RBM39: variants seen among roughly 807,000 people sequenced by gnomAD.
RBM39 encodes the protein RNA binding motif protein 39.
RBM39 carries 12 observed loss-of-function variants against 79.6 expected under a neutral mutation model. The ratio of observed to expected loss-of-function variants is 0.15; its 90% CI spans 0.10 to 0.24. The LOEUF (loss-of-function observed/expected upper bound fraction) is 0.24, where lower values mean the gene tolerates loss of function less well. Ranked by LOEUF, RBM39 falls within the 10% of genes least tolerant of loss-of-function variation. The probability of loss-of-function intolerance (pLI) is 1.00; values close to 1 mark genes in which losing one functional copy is unlikely to be tolerated. For synonymous variants in RBM39, 185 were observed against 208.4 expected (o/e 0.89, Z 0.97); for missense variants, 243 against 653.4 (o/e 0.37, Z 6.85).
Position 35,702,200 on chromosome 20 carries a change from T to A in RBM39, c.*2281A>T, listed in dbSNP as rs1390357718. On this transcript the variant is annotated 3_prime_UTR_variant, in exon 17 of 17. Transcript: ENST00000253363. Reference sequence around the variant, plus strand: ...AACTTTCAAAGATGGTAGTAATTATTATAAAGATAAAAGAAAACTAGATGA... The same window carrying A: ...AACTTTCAAAGATGGTAGTAATTATAATAAAGATAAAAGAAAACTAGATGA... 2.0e-5 allele frequency: 3 copies of A among 152,214 alleles called. No homozygotes were observed. The highest frequency in any genetic ancestry group is 1.3e-4 in the Admixed American group (2 of 15,276). 9.4% of individuals were successfully genotyped at this position (152,214 alleles called of 1,614,324 possible).
At chr20:35,729,582 C>T in intron 4 of RBM39, 55 bp from the exon 5 acceptor site, 10 of 1,447,584 alleles carry the variant, frequency 6.9e-6, no homozygotes, top group East Asian at 4.5e-5. Context: ...TTGCTAAGAT[C>T]GCATTCATGC....
At chr20:35,704,964 G>A (rs1353890292) in intron 15 of RBM39, 4 of 591,736 alleles carry the variant, frequency 6.8e-6, no homozygotes, top group African/African-American at 3.7e-5. Context: ...TTTGTATGCA[G>A]CCTAAGAATG....
chr20:35,739,396 G>T (rs1397121777), intron 2 of RBM39: 2 of 472,418 alleles, frequency 4.2e-6, no homozygotes, highest in Admixed American at 4.7e-5. Flanking sequence ...TCAGTACCAT[G>T]GCTCTATTTC....
intron 6 of RBM39, among the ~76,000 whole-genome samples, chr20:35,728,546 A>T (rs749566381): frequency 6.6e-6 from 1 of 152,166 alleles, no homozygotes; most frequent in Non-Finnish European, 1.5e-5. Flanking sequence ...TGGGAGGCTG[A>T]GGAGGGCAGA....
intron 8 of RBM39, 119 bp downstream of exon 8, chr20:35,724,451 C>A: frequency 2.1e-6 from 2 of 941,668 alleles, no homozygotes; most frequent in Non-Finnish European, 2.9e-6. Context: ...AAAAAAAGTC[C>A]TGAAAACATC....
At position 35,703,234 on chromosome 20, in the gene RBM39, TTAATA is replaced by T. The variant is rs1366780386; in HGVS notation, c.*1242_*1246del. 3 of 152,134 alleles carry T rather than the reference TTAATA, an allele frequency of 2.0e-5. No individual in the cohort carries two copies. The highest frequency in any genetic ancestry group is 6.5e-5 in the Admixed American group (1 of 15,268). The allele number at this position is 152,134 out of a possible 1,614,324, so 9.4% of individuals were successfully genotyped here. A position where few individuals can be genotyped will look rare whatever the true frequency, so the allele number is the denominator to read the frequency against. On this transcript the variant is annotated 3_prime_UTR_variant, in exon 17 of 17. Coordinates refer to ENST00000253363, the MANE Select transcript of RBM39 (RefSeq NM_184234.3). The stretch of plus-strand genomic sequence containing the variant: ...TAATACAGTAATATATGCACCTTAT[TTAATA>T]TATTAATATATAAATCAATTTTGGA...
chr20:35,731,899 G>T, intron 4 of RBM39, 42 bp downstream of exon 4: 1 of 1,566,866 alleles, frequency 6.4e-7, no homozygotes. Context: ...TGAATACCCA[G>T]AGAATAACCC....
chr20:35,724,567 T>A lies in RBM39; in HGVS notation c.687+3A>T, dbSNP rs1035151580. ...TCAAACTCTTAACCAACAAAAAAAT[T>A]ACCTGTGATGCCTGTACTATGATTG... is the stretch of plus-strand genomic sequence containing the variant. On this transcript the variant is annotated splice_donor_region_variant and intron_variant, in intron 8 of 16. Coordinates refer to ENST00000253363, the MANE Select transcript of RBM39 (RefSeq NM_184234.3). 1 of 1,611,142 alleles carries A rather than the reference T, an allele frequency of 6.2e-7. No homozygotes were observed. The highest frequency in any genetic ancestry group is 8.5e-7 in the Non-Finnish European group (1 of 1,179,168).
chr20:35,705,684 G>C (rs1295490844), intron 14 of RBM39, among the ~76,000 whole-genome samples: 1 of 151,718 alleles, frequency 6.6e-6, no homozygotes, highest in Non-Finnish European at 1.5e-5. Context: ...TGAAATCCCA[G>C]CTATTCAAGA....
At position 35,733,451 on chromosome 20, in the gene RBM39, A is replaced by T. The variant is rs912979571; in HGVS notation, c.102-1316T>A. ...GGTGAAAACCCATCTCTACTAAAAA[A>T]TGCAAGAAGTAGTGGGTCGTGGTGG... is the stretch of plus-strand genomic sequence containing the variant. On this transcript the variant is annotated intron_variant, in intron 3 of 16. Coordinates refer to ENST00000253363, the MANE Select transcript of RBM39 (RefSeq NM_184234.3). Among the ~76,000 whole-genome samples the T allele has an allele frequency of 4.6e-5, 7 of 152,182 alleles. No individual in the cohort carries two copies. In the East Asian group the frequency reaches 1.4e-3, roughly 29 times the overall value.
chr20:35,737,453 G>A (rs374369555), intron 3 of RBM39, among the ~76,000 whole-genome samples: 1 of 151,458 alleles, frequency 6.6e-6, no homozygotes, highest in African/African-American at 2.4e-5. Context: ...CCAGCTACTC[G>A]GGAGGCTGAG....
chr20:35,727,224 C>CT (rs2038823508), intron 6 of RBM39, among the ~76,000 whole-genome samples: 1 of 151,934 alleles, frequency 6.6e-6, no homozygotes, highest in African/African-American at 2.4e-5. Flanking sequence ...GTGGCTGCAC[C>CT]TATAGTCCCA....
Position 35,703,832 on chromosome 20 carries a change from A to C in RBM39, c.*649T>G, listed in dbSNP as rs2035423376. The C allele has an allele frequency of 6.6e-6, 1 of 152,396 alleles. No individual in the cohort carries two copies. The allele number at this position is 152,396 out of a possible 1,614,324, so 9.4% of individuals were successfully genotyped here. On this transcript the variant is annotated 3_prime_UTR_variant, in exon 17 of 17. Coordinates refer to ENST00000253363, the MANE Select transcript of RBM39 (RefSeq NM_184234.3). Reference sequence around the variant, plus strand: ...TCTTTCTCAGACTGCTTTGCCTACCAGACTCTCACGTTTAAACATCTTCAG... The same window carrying C: ...TCTTTCTCAGACTGCTTTGCCTACCCGACTCTCACGTTTAAACATCTTCAG...
rs1053849556 is a variant in RBM39 at position 35,702,817 on chromosome 20, G to A, written c.*1664C>T. The A allele has an allele frequency of 4.0e-5, 6 of 151,868 alleles. No individual in the cohort carries two copies. The highest frequency in any genetic ancestry group is 1.4e-4 in the African/African-American group (6 of 41,418). 9.4% of individuals were successfully genotyped at this position (151,868 alleles called of 1,614,324 possible). ...GCGCACCTGTCCCAGCTCTTCAGGA[G>A]ACTGAGGTGGGAGAATTGCTTGAAC... On this transcript the variant is annotated 3_prime_UTR_variant, in exon 17 of 17. Transcript: ENST00000253363.
chr20:35,741,030 C>CTTTTTCT (rs1217050292), intron 1 of RBM39, 143 bp from the exon 2 acceptor site: 13 of 127,298 alleles, frequency 1.0e-4, no homozygotes, highest in African/African-American at 4.1e-4. Flanking sequence ...AAACATTTTT[C>CTTTTTCT]TTTTTTTTTT....
rs1055365393 is a variant in RBM39 at position 35,725,677 on chromosome 20, T to C, written c.417-522A>G. ...ATTTTCTTTTTTTTTTTTTTTTTTT[T>C]CCAGAGGAAGTCTTGTTCTTGTCCC... On this transcript the variant is annotated intron_variant, in intron 6 of 16. Transcript: ENST00000253363. 1.2e-3 allele frequency among the ~76,000 whole-genome samples: 127 copies of C among 102,600 alleles called. 1 individual carries two copies. The highest frequency in any genetic ancestry group is 3.4e-3 in the Admixed American group (37 of 10,982). The allele number at this position is 102,600 out of a possible 152,430, so 67.3% of individuals were successfully genotyped here.
chr20:35,714,375 T>C lies in RBM39; in HGVS notation c.906A>G (p.Glu302=). 6.2e-7 allele frequency: 1 copy of C among 1,614,114 alleles called. No individual in the cohort carries two copies. The highest frequency in any genetic ancestry group is 8.5e-7 in the Non-Finnish European group (1 of 1,179,988). ...GYGFITFSDS[E]CAKKALEQLN... is the part of the protein sequence containing the mutation. ...GTTGTTCCAAAGCCTTTTTGGCACA[T>C]TCTGAGTCAGAAAACTACATGATAG... The change falls in exon 11 of 17, where the codon GAA becomes GAG. Residue 302 remains glutamate, a synonymous_variant. Transcript: ENST00000253363.
At chr20:35,715,255 G>C (rs1438408874) in intron 10 of RBM39, among the ~76,000 whole-genome samples, 2 of 152,134 alleles carry the variant, frequency 1.3e-5, no homozygotes, top group African/African-American at 2.4e-5. Flanking sequence ...TCGGCTCATT[G>C]CAACCTCTGC....
intron 12 of RBM39, among the ~76,000 whole-genome samples, chr20:35,712,382 G>A (rs1246280785): frequency 7.3e-6 from 1 of 136,164 alleles, no homozygotes; most frequent in Non-Finnish European, 1.5e-5. Context: ...GCAGTGAGCC[G>A]AGACTGCACC....
Sources: gnomAD v4.1 joint callset for allele counts (sites outside exome capture counted in the v4.1 genomes callset) on GRCh38, gnomAD v4.1.1 for gene constraint, MANE v1.5 for transcripts, NCBI Gene and HGNC (gene_info 2026-07-23, HGNC 2026-07-21) for gene names.